LYPD4: variants seen among roughly 807,000 people sequenced by gnomAD.
LYPD4 encodes the protein LY6/PLAUR domain containing 4.
LYPD4 carries 20 observed loss-of-function variants against 18.2 expected under a neutral mutation model. The ratio of observed to expected loss-of-function variants is 1.10; its 90% CI spans 0.77 to 1.59. The LOEUF (loss-of-function observed/expected upper bound fraction) is 1.59. LYPD4 is among the 40% of genes most tolerant of loss of function. The probability of loss-of-function intolerance (pLI) is 0.00; values close to 1 mark genes in which losing one functional copy is unlikely to be tolerated. For synonymous variants in LYPD4, 111 were observed against 118.3 expected (o/e 0.94, Z 0.40); for missense variants, 278 against 300.3 (o/e 0.93, Z 0.55).
rs1247302669 is a variant in LYPD4, at chr19:41,837,106, G to A, written c.*37C>T. On this transcript the variant is annotated 3_prime_UTR_variant, in exon 5 of 5. Transcript: ENST00000609812. Reference sequence around the variant, plus strand: ...AACTCTGCTATTTTATTTGTTATGTGAAAGAGTCTGGGTGCTTGTCGGGTG... The same window carrying A: ...AACTCTGCTATTTTATTTGTTATGTAAAAGAGTCTGGGTGCTTGTCGGGTG... 4 of 1,612,478 alleles carry A rather than the reference G, an allele frequency of 2.5e-6. No homozygotes were observed. In the African/African-American group the frequency reaches 4.0e-5, roughly 16 times the overall value.
intron 1 of LYPD4, among the ~76,000 whole-genome samples, chr19:41,840,489 C>T (rs2073547764): frequency 6.6e-6 from 1 of 152,200 alleles, no homozygotes. Context: ...CTATGTACCA[C>T]TTTTGCAACT....
rs1555831163 is a variant in LYPD4, at chr19:41,838,018, T to G, written c.455A>C (p.Asp152Ala). 1 of 1,614,074 alleles carries G rather than the reference T, an allele frequency of 6.2e-7. No homozygotes were observed. Among genetic ancestry groups the G allele is most frequent in the Non-Finnish European group, 8.5e-7 (1 of 1,179,992 alleles). Residue 152 changes from aspartate to alanine, a missense_variant, in exon 4 of 5, where the codon GAT becomes GCT. Coordinates refer to ENST00000609812, the MANE Select transcript of LYPD4 (RefSeq NM_173506.7). Reference protein sequence around the residue: ...CPTCVGEHMKDCLPNFVTTNS... With the variant: ...CPTCVGEHMKACLPNFVTTNS... The stretch of plus-strand genomic sequence containing the variant: ...AGTGGTGACAAAATTTGGGAGGCAA[T>G]CCTTCATGTGCTCGCCCACACAGGT...
intron 4 of LYPD4, among the ~76,000 whole-genome samples, 153 bp downstream of exon 4, chr19:41,837,782 G>A (rs2073415355): frequency 6.6e-6 from 1 of 151,958 alleles, no homozygotes; most frequent in South Asian, 2.1e-4. Flanking sequence ...TAGGCACCAG[G>A]CGCCTTCCCC....
At chr19:41,839,589 C>T in intron 1 of LYPD4, 184 bp from the exon 2 acceptor site, 1 of 426,484 alleles carries the variant, frequency 2.3e-6, no homozygotes, top group Non-Finnish European at 4.3e-6. Context: ...AGGTGCTGAG[C>T]AGAGAATCCT....
At chr19:41,837,033 C>T, downstream of LYPD4, 1 of 1,526,474 alleles carries the variant, frequency 6.6e-7, no homozygotes, top group Non-Finnish European at 8.8e-7. Context: ...TTCCTCACAC[C>T]TTCCTCACCC....
intron 4 of LYPD4, among the ~76,000 whole-genome samples, chr19:41,837,641 C>G (rs191075787): frequency 6.6e-6 from 1 of 151,776 alleles, no homozygotes; most frequent in Non-Finnish European, 1.5e-5. Context: ...TTGCAGTGAG[C>G]CGAGATCGGA....
intron 1 of LYPD4, among the ~76,000 whole-genome samples, chr19:41,843,230 G>A (rs1158068396): frequency 6.6e-6 from 1 of 151,858 alleles, no homozygotes. Context: ...GGGGTACAAA[G>A]ATCACTGACC....
At chr19:41,839,927 T>C (rs1375196807) in intron 1 of LYPD4, among the ~76,000 whole-genome samples, 1 of 151,858 alleles carries the variant, frequency 6.6e-6, no homozygotes, top group African/African-American at 2.4e-5. Flanking sequence ...CACGAGCCTA[T>C]AGTCCCAGCT....
chr19:41,838,403 G>T, intron 3 of LYPD4, 142 bp from the exon 4 acceptor site: 1 of 644,896 alleles, frequency 1.6e-6, no homozygotes, highest in Non-Finnish European at 2.4e-6. Context: ...ACTCAGTGCA[G>T]CTGCACAGGG....
intron 4 of LYPD4, 115 bp downstream of exon 4, chr19:41,837,820 C>G: frequency 8.9e-7 from 1 of 1,127,340 alleles, no homozygotes; most frequent in Non-Finnish European, 1.2e-6. Flanking sequence ...TGTGCCCTGT[C>G]CCTTGCAACC....
intron 4 of LYPD4, 50 bp downstream of exon 4, chr19:41,837,885 A>G (rs1472690853): frequency 6.6e-7 from 1 of 1,523,822 alleles, no homozygotes; most frequent in Non-Finnish European, 8.9e-7. Context: ...GTGCTGGACA[A>G]TGCCTGGCAG....
At chr19:41,839,193 A>G in intron 2 of LYPD4, 26 bp downstream of exon 2, 2 of 1,614,108 alleles carry the variant, frequency 1.2e-6, no homozygotes, top group Non-Finnish European at 1.7e-6. Context: ...TCTGGGTCTT[A>G]TAGCATCCAG....
Position 41,837,095 on chromosome 19 carries a change from A to G in LYPD4, c.*48T>C. 6.2e-7 allele frequency: 1 copy of G among 1,611,230 alleles called. No individual in the cohort carries two copies. Among genetic ancestry groups the G allele is most frequent in the Non-Finnish European group, 8.5e-7 (1 of 1,178,764 alleles). On this transcript the variant is annotated 3_prime_UTR_variant, in exon 5 of 5. Coordinates refer to ENST00000609812, the MANE Select transcript of LYPD4 (RefSeq NM_173506.7). ...TGCAGAAAGGGAACTCTGCTATTTT[A>G]TTTGTTATGTGAAAGAGTCTGGGTG...
At chr19:41,839,981 G>A (rs1323923798) in intron 1 of LYPD4, among the ~76,000 whole-genome samples, 3 of 151,776 alleles carry the variant, frequency 2.0e-5, no homozygotes, top group Non-Finnish European at 4.4e-5. Flanking sequence ...CCCAGGAGGC[G>A]GAGGTTGCAG....
chr19:41,840,016 T>C (rs1477313125), intron 1 of LYPD4, among the ~76,000 whole-genome samples: 3 of 150,308 alleles, frequency 2.0e-5, no homozygotes, highest in African/African-American at 4.9e-5. Context: ...GCCACTGCAC[T>C]CCAGGCTGGG....
At chr19:41,840,723 G>A (rs1398360331) in intron 1 of LYPD4, among the ~76,000 whole-genome samples, 3 of 151,936 alleles carry the variant, frequency 2.0e-5, no homozygotes, top group African/African-American at 4.8e-5. Context: ...CCAACTACTT[G>A]GGAGGCTGAG....
In LYPD4 at chr19:41,839,514, C is replaced by T. The variant is rs1347934026; in HGVS notation, c.-120-109G>A. The T allele has an allele frequency of 5.3e-6, 3 of 561,148 alleles. No individual in the cohort carries two copies. In the African/African-American group the frequency reaches 5.7e-5, roughly 11 times the overall value. The allele number at this position is 561,148 out of a possible 1,614,324, so 34.8% of individuals were successfully genotyped here. On this transcript the variant is annotated intron_variant, in intron 1 of 4. Transcript: ENST00000609812. ...GTCTGCCCTCCAGTCTAACCTGCAC[C>T]ATCCACCATCTTAGCTTCTCAAAGC...
chr19:41,838,881 C>T lies in LYPD4; in HGVS notation c.211G>A (p.Gly71Arg), dbSNP rs782269844. 2 of 1,613,722 alleles carry T rather than the reference C, an allele frequency of 1.2e-6. No homozygotes were observed. Among genetic ancestry groups the T allele is most frequent in the Non-Finnish European group, 8.5e-7 (1 of 1,179,952 alleles). The change falls in exon 3 of 5, where the codon GGG (glycine) becomes AGG (arginine). Residue 71 changes from glycine (G) to arginine (R), a missense_variant and splice_region_variant. Transcript: ENST00000609812. ...ATTGATCAAACTTAGACTGCTTCACCTGTCTCAATGAACACTAGCGTCTCC... is the reference window on the plus strand; with the variant it reads ...ATTGATCAAACTTAGACTGCTTCACTTGTCTCAATGAACACTAGCGTCTCC... ...CEETLVFIET[G>R]TARGVVGFKG...
At chr19:41,836,319 A>G (rs1424574743), downstream of LYPD4, among the ~76,000 whole-genome samples, 1 of 139,304 alleles carries the variant, frequency 7.2e-6, no homozygotes, top group Admixed American at 7.4e-5. Context: ...AAAAAAAAAA[A>G]AAAAAAAACA....
Sources: allele counts gnomAD v4.1 joint callset (sites outside exome capture counted in the v4.1 genomes callset), GRCh38; gene constraint gnomAD v4.1.1; transcripts MANE v1.5; gene names NCBI Gene and HGNC (gene_info 2026-07-23, HGNC 2026-07-21).